The following CBLN2 variants were observed in gnomAD, a reference collection of about 807,000 sequenced individuals.
CBLN2 encodes the protein cerebellin 2 precursor, also known as cerebellin-2.
Under a neutral mutation model 15.0 loss-of-function variants are expected in CBLN2, and 7 were observed. That is an observed-to-expected ratio of 0.47 (90% confidence interval 0.27 to 0.88). The LOEUF (loss-of-function observed/expected upper bound fraction) is 0.88, where lower values mean the gene tolerates loss of function less well. CBLN2 is among the 40% of genes least tolerant of loss of function. The pLI, the probability that CBLN2 is intolerant of heterozygous loss-of-function variation, is 0.14. For missense variants in CBLN2, 242 were observed against 304.5 expected, an observed-to-expected ratio of 0.79 and a Z score of 1.53; for synonymous variants, 149 against 135.2, an observed-to-expected ratio of 1.10 and a Z score of -0.71.
chr18:72,623,252 G>T (rs1268663204), intron 1 of CBLN2, among the ~76,000 whole-genome samples: 3 of 152,014 alleles, frequency 2.0e-5, no homozygotes, highest in Admixed American at 6.6e-5. Flanking sequence ...CATGAGACTT[G>T]GATGGGGACA....
chr18:72,603,942 G>T (rs145057236), intron 1 of CBLN2, among the ~76,000 whole-genome samples: 1 of 152,250 alleles, frequency 6.6e-6, no homozygotes, highest in East Asian at 1.9e-4. Flanking sequence ...CTAAAATGTG[G>T]AGCACAGTCT....
chr18:72,601,893 A>G (rs775709808), intron 1 of CBLN2, among the ~76,000 whole-genome samples: 11 of 152,120 alleles, frequency 7.2e-5, no homozygotes, highest in Non-Finnish European at 1.5e-4. Flanking sequence ...TTTGGCTCTA[A>G]CAGTACCCAG....
intron 1 of CBLN2, among the ~76,000 whole-genome samples, chr18:72,574,396 G>A (rs900612461): frequency 9.2e-5 from 14 of 152,082 alleles, no homozygotes; most frequent in African/African-American, 3.1e-4. Flanking sequence ...TATGGTTTAG[G>A]CAACTGTTCT....
chr18:72,602,586 G>A (rs76824276), intron 1 of CBLN2, among the ~76,000 whole-genome samples: 1,779 of 152,124 alleles, frequency 0.012, 39 homozygotes, highest in African/African-American at 0.04. Context: ...AGCAGTTGTC[G>A]GGGTGCCGCC....
chr18:72,544,411 G>A (rs1302311463), upstream of CBLN2: 1 of 152,186 alleles, frequency 6.6e-6, no homozygotes, highest in Non-Finnish European at 1.5e-5. Context: ...AGGACCCGGG[G>A]AGACGCGCTG....
chr18:72,594,705 A>G (rs1035686286), intron 1 of CBLN2, among the ~76,000 whole-genome samples: 4 of 151,878 alleles, frequency 2.6e-5, no homozygotes, highest in Non-Finnish European at 5.9e-5. Context: ...CTTTGATCAC[A>G]TTACTTGTTG....
rs541178178 is a variant in CBLN2 at position 72,558,317 on chromosome 18, T to A, written c.16-19545A>T. On this transcript the variant is annotated intron_variant, in intron 1 of 2. Coordinates refer to the CBLN2 transcript ENST00000581073. The stretch of plus-strand genomic sequence containing the variant: ...CTTGTCACTGATGGGGGATACCCCA[T>A]GGTGTTGTCACACATCATAGCTAGG... Among the ~76,000 whole-genome samples the A allele has an allele frequency of 4.6e-5, 7 of 152,348 alleles. No homozygotes were observed. The East Asian group carries it at 7.7e-4, about 17-fold the overall frequency.
chr18:72,545,363 C>G (rs569955986), upstream of CBLN2, among the ~76,000 whole-genome samples: 5 of 152,310 alleles, frequency 3.3e-5, no homozygotes, highest in South Asian at 4.1e-4. Flanking sequence ...CCTGGTTAAC[C>G]TAGCATGCAA....
chr18:72,552,028 T>A (rs1460036534), intron 1 of CBLN2, among the ~76,000 whole-genome samples: 1 of 152,220 alleles, frequency 6.6e-6, no homozygotes, highest in Non-Finnish European at 1.5e-5. Flanking sequence ...TTCTTTCCCA[T>A]TTATCTAACC....
chr18:72,596,465 T>A (rs1271508494), intron 1 of CBLN2, among the ~76,000 whole-genome samples: 1 of 152,116 alleles, frequency 6.6e-6, no homozygotes, highest in Non-Finnish European at 1.5e-5. Context: ...CCACCACAAT[T>A]TCAGTGTTAT....
chr18:72,638,325 C>G (rs1305060338), exon 1 of CBLN2: 2 of 398,438 alleles, frequency 5.0e-6, no homozygotes, highest in African/African-American at 4.1e-5. Flanking sequence ...TAACACGTAC[C>G]TTGTCCCAAT....
At chr18:72,611,666 CAA>C (rs2069623418) in intron 1 of CBLN2, among the ~76,000 whole-genome samples, 1 of 152,098 alleles carries the variant, frequency 6.6e-6, no homozygotes, top group South Asian at 2.1e-4. Context: ...GCATAGTTTG[CAA>C]ATATTTTCTC....
intron 1 of CBLN2, among the ~76,000 whole-genome samples, chr18:72,600,516 T>C (rs2144941703): frequency 6.6e-6 from 1 of 152,292 alleles, no homozygotes; most frequent in African/African-American, 2.4e-5. Flanking sequence ...ATATTTCCTT[T>C]TGCAGACAGA....
chr18:72,626,101 C>T lies in CBLN2; in HGVS notation c.15+12224G>A, dbSNP rs1197865694. 2.0e-5 allele frequency among the ~76,000 whole-genome samples: 3 copies of T among 151,890 alleles called. No individual in the cohort carries two copies. In the East Asian group the frequency reaches 5.8e-4, roughly 29 times the overall value. On this transcript the variant is annotated intron_variant, in intron 1 of 2. Transcript: ENST00000581073. ...CTGAGGAAAGAATCTGGGATTCATT[C>T]ATGGCAGCATGAAATGACTGAAGGG...
At chr18:72,568,095 T>C (rs1361720153) in intron 1 of CBLN2, among the ~76,000 whole-genome samples, 2 of 152,160 alleles carry the variant, frequency 1.3e-5, no homozygotes, top group African/African-American at 4.8e-5. Flanking sequence ...AGTTCCTCTG[T>C]CAAATGCCGC....
intron 1 of CBLN2, chr18:72,618,468 G>T: frequency 4.5e-6 from 3 of 664,276 alleles, no homozygotes; most frequent in Non-Finnish European, 8.5e-6. Flanking sequence ...TGTGGAGGAG[G>T]TGGATGCAGC....
intron 1 of CBLN2, chr18:72,630,995 G>A (rs1388472433): frequency 1.3e-5 from 2 of 152,070 alleles, no homozygotes; most frequent in Non-Finnish European, 2.9e-5. Flanking sequence ...TTACGGTAAC[G>A]AAGAAAAATT....
chr18:72,582,270 A>G (rs1225792132), intron 1 of CBLN2, among the ~76,000 whole-genome samples: 2 of 152,188 alleles, frequency 1.3e-5, no homozygotes, highest in South Asian at 2.1e-4. Flanking sequence ...AATATTGTGA[A>G]TGAATGATTT....
chr18:72,576,809 C>T (rs1229252386), intron 1 of CBLN2, among the ~76,000 whole-genome samples: 4 of 150,658 alleles, frequency 2.7e-5, no homozygotes, highest in Non-Finnish European at 5.9e-5. Context: ...CACAAAACTC[C>T]ATATGTAAAA....
Sources: allele counts gnomAD v4.1 joint callset (sites outside exome capture counted in the v4.1 genomes callset), GRCh38; gene constraint gnomAD v4.1.1; transcripts MANE v1.5; gene names NCBI Gene and HGNC (gene_info 2026-07-23, HGNC 2026-07-21).